Variants in CATSPERE observed in about 807,000 individuals in gnomAD.
CATSPERE encodes catsper channel auxiliary subunit epsilon.
Under a neutral mutation model 114.1 loss-of-function variants are expected in CATSPERE, and 93 were observed. That is an observed-to-expected ratio of 0.81 (90% confidence interval 0.69 to 0.97). CATSPERE has a LOEUF of 0.97. Ranked by LOEUF, CATSPERE falls within the 50% of genes least tolerant of loss-of-function variation. The pLI, the probability that CATSPERE is intolerant of heterozygous loss-of-function variation, is 0.00. For missense variants in CATSPERE, 1,058 were observed against 1,131.6 expected (o/e 0.93, Z 0.93); for synonymous variants, 341 against 384.1 (o/e 0.89, Z 1.31).
In CATSPERE at chr1:244,473,925, G is replaced by A. The variant is rs569169446; in HGVS notation, c.115-3616G>A. Among the ~76,000 whole-genome samples the A allele has an allele frequency of 3.9e-5, 6 of 152,046 alleles. No homozygotes were observed. The East Asian group carries it at 5.8e-4, about 15-fold the overall frequency. ...AAATTATCTTTCTATATTTAGAAACGTTTGTATTTTTGTTTTAGTGGCTAC... is the reference window on the plus strand; with the variant it reads ...AAATTATCTTTCTATATTTAGAAACATTTGTATTTTTGTTTTAGTGGCTAC... On this transcript the variant is annotated intron_variant, in intron 2 of 21. Coordinates refer to ENST00000366534, the MANE Select transcript of CATSPERE (RefSeq NM_001130957.2).
intron 2 of CATSPERE, among the ~76,000 whole-genome samples, chr1:244,471,042 G>A (rs1469096080): frequency 6.6e-6 from 1 of 152,198 alleles, no homozygotes; most frequent in African/African-American, 2.4e-5. Flanking sequence ...TCCGAGGAGT[G>A]TGGCAGTTTT....
chr1:244,510,596 A>C (rs975838459), intron 7 of CATSPERE, among the ~76,000 whole-genome samples: 16 of 152,094 alleles, frequency 1.1e-4, no homozygotes, highest in Admixed American at 7.2e-4. Flanking sequence ...TTTTTATGCA[A>C]AATGTTTTGT....
chr1:244,553,601 ATACAC>A (rs1558484536), intron 9 of CATSPERE, among the ~76,000 whole-genome samples: 2 of 85,020 alleles, frequency 2.4e-5, no homozygotes, highest in African/African-American at 5.3e-5. Context: ...AAAAAAAAAA[ATACAC>A]ACACACACAC....
intron 2 of CATSPERE, among the ~76,000 whole-genome samples, chr1:244,469,349 T>C (rs1014422516): frequency 7.9e-5 from 12 of 152,222 alleles, no homozygotes; most frequent in Non-Finnish European, 1.5e-4. Flanking sequence ...TAAGTCCTTA[T>C]ATATCCATTA....
chr1:244,482,654 T>C (rs1572318891), intron 5 of CATSPERE, among the ~76,000 whole-genome samples: 1 of 151,388 alleles, frequency 6.6e-6, no homozygotes, highest in African/African-American at 2.4e-5. Context: ...CTAGAAAGAG[T>C]ACATAAAGAA....
In CATSPERE at chr1:244,532,632, G is replaced by C. The variant is rs1679788095; in HGVS notation, c.536+13934G>C. Among the ~76,000 whole-genome samples the C allele has an allele frequency of 2.0e-5, 3 of 152,160 alleles. No homozygotes were observed. The South Asian group carries it at 6.2e-4, about 32-fold the overall frequency. On this transcript the variant is annotated intron_variant, in intron 8 of 21. Coordinates refer to ENST00000366534, the MANE Select transcript of CATSPERE (RefSeq NM_001130957.2). Reference sequence around the variant, plus strand: ...CTTCACTGACCCACTGGTCATTCAGGAGCGTATTGTTTAAATTTGATGTGT... The same window carrying C: ...CTTCACTGACCCACTGGTCATTCAGCAGCGTATTGTTTAAATTTGATGTGT...
At chr1:244,472,437 C>A (rs1365266667) in intron 2 of CATSPERE, among the ~76,000 whole-genome samples, 2 of 152,050 alleles carry the variant, frequency 1.3e-5, no homozygotes, top group Non-Finnish European at 2.9e-5. Context: ...TCCTGGTATA[C>A]CTTTGCCCAT....
At chr1:244,515,765 T>G (rs1173293758) in intron 7 of CATSPERE, among the ~76,000 whole-genome samples, 1 of 152,086 alleles carries the variant, frequency 6.6e-6, no homozygotes, top group Admixed American at 6.6e-5. Flanking sequence ...TTTAACAACA[T>G]GTACAGCCAT....
intron 14 of CATSPERE, among the ~76,000 whole-genome samples, chr1:244,590,128 GTTCT>G (rs1272700802): frequency 6.6e-6 from 1 of 152,138 alleles, no homozygotes; most frequent in Non-Finnish European, 1.5e-5. Context: ...GGTGACAAGG[GTTCT>G]TTCTAAGTTC....
chr1:244,464,336 C>G (rs1667258762), intron 2 of CATSPERE, among the ~76,000 whole-genome samples: 1 of 152,140 alleles, frequency 6.6e-6, no homozygotes, highest in Non-Finnish European at 1.5e-5. Flanking sequence ...AGACCTCATT[C>G]TCTATATTAC....
At chr1:244,589,617 C>A (rs1291211435) in intron 14 of CATSPERE, among the ~76,000 whole-genome samples, 2 of 152,168 alleles carry the variant, frequency 1.3e-5, no homozygotes, top group Non-Finnish European at 2.9e-5. Context: ...GAATCAAAAT[C>A]TGCATTTTAA....
chr1:244,456,648 A>T (rs1349357901), upstream of CATSPERE, among the ~76,000 whole-genome samples: 1 of 152,192 alleles, frequency 6.6e-6, no homozygotes, highest in African/African-American at 2.4e-5. Flanking sequence ...AAATGCTTTA[A>T]AGTCAAACTG....
intron 2 of CATSPERE, among the ~76,000 whole-genome samples, chr1:244,466,510 C>G (rs946896817): frequency 6.6e-6 from 1 of 152,202 alleles, no homozygotes; most frequent in African/African-American, 2.4e-5. Context: ...GCCTGGTATT[C>G]GCTTGGAACT....
chr1:244,576,496 T>G (rs1665284015), intron 11 of CATSPERE, among the ~76,000 whole-genome samples: 1 of 150,224 alleles, frequency 6.7e-6, no homozygotes, highest in South Asian at 2.2e-4. Flanking sequence ...GCATCCTTTC[T>G]GCAGAAAGTA....
At chr1:244,493,333 AAAAC>A (rs1189045745) in intron 6 of CATSPERE, among the ~76,000 whole-genome samples, 4 of 152,238 alleles carry the variant, frequency 2.6e-5, no homozygotes, top group East Asian at 1.9e-4. Context: ...AAACCTGAGA[AAAAC>A]AAGCAATGGG....
intron 8 of CATSPERE, among the ~76,000 whole-genome samples, chr1:244,521,859 C>T (rs569721270): frequency 5.6e-4 from 85 of 152,230 alleles, no homozygotes; most frequent in Admixed American, 4.5e-3. Flanking sequence ...CCATTTTACA[C>T]ATACCAGATT....
chr1:244,629,633 A>C (rs10927284), intron 20 of CATSPERE, among the ~76,000 whole-genome samples: 149,199 of 151,518 alleles, frequency 0.98, 73,504 homozygotes, highest in East Asian at 1. Context: ...CAGGCTTGGC[A>C]TTGTCTCCTT....
At chr1:244,636,360 T>C (rs974119912) in intron 21 of CATSPERE, among the ~76,000 whole-genome samples, 3 of 152,158 alleles carry the variant, frequency 2.0e-5, no homozygotes, top group African/African-American at 7.2e-5. Flanking sequence ...ACAATTAAGT[T>C]ACTCATGGCC....
At chr1:244,482,052 A>T (rs1338560943) in intron 5 of CATSPERE, among the ~76,000 whole-genome samples, 1 of 152,202 alleles carries the variant, frequency 6.6e-6, no homozygotes, top group East Asian at 1.9e-4. Flanking sequence ...GAACAGAAGG[A>T]AAAGCACCTA....
Sources: allele counts gnomAD v4.1 joint callset (sites outside exome capture counted in the v4.1 genomes callset), GRCh38; gene constraint gnomAD v4.1.1; transcripts MANE v1.5; gene names NCBI Gene and HGNC (gene_info 2026-07-23, HGNC 2026-07-21).